Variants in TTBK2 observed in about 807,000 individuals in gnomAD.
TTBK2 encodes tau-tubulin kinase 2.
A neutral mutation model predicts 110.8 loss-of-function variants in TTBK2; 28 were observed. The ratio of observed to expected loss-of-function variants is 0.25; its 90% CI spans 0.19 to 0.35. The LOEUF is 0.35. Ranked by LOEUF, TTBK2 falls within the 10% of genes least tolerant of loss-of-function variation. The probability of loss-of-function intolerance (pLI) is 1.00; values close to 1 mark genes in which losing one functional copy is unlikely to be tolerated. For synonymous variants in TTBK2, 532 were observed against 527.3 expected, an observed-to-expected ratio of 1.01 and a Z score of -0.12; for missense variants, 1,369 against 1,500.3, an observed-to-expected ratio of 0.91 and a Z score of 1.45.
At chr15:42,756,317 G>A (rs2061945930) in intron 13 of TTBK2, among the ~76,000 whole-genome samples, 1 of 152,172 alleles carries the variant, frequency 6.6e-6, no homozygotes, top group South Asian at 2.1e-4. Context: ...CAAGCACGGT[G>A]GCTCATGCCT....
chr15:42,860,400 G>A (rs535367462), intron 3 of TTBK2, among the ~76,000 whole-genome samples: 3 of 152,042 alleles, frequency 2.0e-5, no homozygotes, highest in South Asian at 4.2e-4. Context: ...AATTCTGAAT[G>A]AAGCTAGAGG....
chr15:42,803,980 T>C (rs1322904169), intron 9 of TTBK2, among the ~76,000 whole-genome samples: 2 of 135,236 alleles, frequency 1.5e-5, no homozygotes, highest in Non-Finnish European at 1.5e-5. Flanking sequence ...TGAGCCAAAA[T>C]TGTACCATTG....
chr15:42,861,542 TAATA>T (rs1894158575), intron 3 of TTBK2, among the ~76,000 whole-genome samples: 1 of 152,034 alleles, frequency 6.6e-6, no homozygotes, highest in South Asian at 2.1e-4. Context: ...TCATTGAAAT[TAATA>T]AAAATAGAGA....
intron 9 of TTBK2, among the ~76,000 whole-genome samples, chr15:42,795,619 A>G (rs1213422855): frequency 1.3e-5 from 2 of 152,020 alleles, no homozygotes; most frequent in Non-Finnish European, 2.9e-5. Context: ...CGCAGGTCTG[A>G]TTTAGGCTTT....
intron 5 of TTBK2, 138 bp downstream of exon 5, chr15:42,829,800 G>T: frequency 8.4e-7 from 1 of 1,185,262 alleles, no homozygotes; most frequent in Non-Finnish European, 1.2e-6. Flanking sequence ...TTTGCTTCCA[G>T]GTCTCTATTG....
chr15:42,891,508 A>T (rs1188098889), intron 1 of TTBK2, among the ~76,000 whole-genome samples: 1 of 151,702 alleles, frequency 6.6e-6, no homozygotes, highest in Non-Finnish European at 1.5e-5. Context: ...TGTAAATCTT[A>T]AATTCAGCTG....
In TTBK2 at chr15:42,878,552, T is replaced by C. The variant is rs1386906465; in HGVS notation, c.66A>G (p.Lys22=). 1 of 1,611,314 alleles carries C rather than the reference T, an allele frequency of 6.2e-7. No individual in the cohort carries two copies. Among genetic ancestry groups the C allele is most frequent in the African/African-American group, 1.3e-5 (1 of 74,220 alleles). ...SVGILVKERW[K]VLRKIGGGGF... ...ACTCTCTGAGATGTACACTCACCAC[T>C]TTCCATCTTTCTTTCACTAGGATTC... Residue 22 remains lysine (K), a synonymous_variant, in exon 2 of 15, where the codon AAA becomes AAG. Coordinates refer to ENST00000267890, the MANE Select transcript of TTBK2 (RefSeq NM_173500.4).
chr15:42,753,191 G>A lies in TTBK2; in HGVS notation c.2055C>T (p.His685=). The A allele has an allele frequency of 6.2e-7, 1 of 1,612,150 alleles. No homozygotes were observed. The highest frequency in any genetic ancestry group is 8.5e-7 in the Non-Finnish European group (1 of 1,179,566). The change falls in exon 14 of 15, where the codon CAC becomes CAT. Residue 685 remains histidine, a synonymous_variant. Transcript: ENST00000267890. The part of the protein sequence containing the change: ...ASTQSTSGSF[H]CGQQPEKKDL... ...CTTTCTTCTCTGGCTGCTGACCACA[G>A]TGAAAGCTTCCTGAAGTTGACTGTG...
At chr15:42,799,649 TG>T (rs1215657420) in intron 9 of TTBK2, among the ~76,000 whole-genome samples, 4 of 152,114 alleles carry the variant, frequency 2.6e-5, no homozygotes, top group African/African-American at 9.7e-5. Flanking sequence ...TCGGCCAGGC[TG>T]GTCTTGAACT....
At chr15:42,902,247 G>A (rs768337242) in intron 1 of TTBK2, among the ~76,000 whole-genome samples, 2 of 150,878 alleles carry the variant, frequency 1.3e-5, no homozygotes, top group African/African-American at 2.4e-5. Flanking sequence ...ACCGCCAGGC[G>A]CGGTTGCTCA....
At chr15:42,792,008 A>T (rs1207303870) in intron 10 of TTBK2, among the ~76,000 whole-genome samples, 1 of 152,126 alleles carries the variant, frequency 6.6e-6, no homozygotes, top group African/African-American at 2.4e-5. Context: ...ATGGTGGCAC[A>T]TGCCTGTAAT....
Position 42,775,184 on chromosome 15 carries a change from G to A in TTBK2, c.1949C>T (p.Ala650Val), listed in dbSNP as rs369045579. 85 of 1,614,002 alleles carry A rather than the reference G, an allele frequency of 5.3e-5. No homozygotes were observed. In the African/African-American group the frequency reaches 7.3e-4, roughly 14 times the overall value. ...CGCCTCCATTAGACTTGTGGGCGTC[G>A]CTGCAATAAACTGACTAGCAGCTCC... Reference protein sequence around the residue: ...QPGAASQFIAATPTSLMEAQA... With the variant: ...QPGAASQFIAVTPTSLMEAQA... The change falls in exon 13 of 15, where the codon GCG becomes GTG. Residue 650 changes from alanine (A) to valine (V), a missense_variant. Ala to Val is a moderately conservative substitution (Grantham distance 64, BLOSUM62 0). Around this residue, in one of 4 missense-constraint regions of TTBK2, gnomAD observed 1,097 missense variants for 1,114.7 expected, o/e 0.98. Transcript: ENST00000267890.
At chr15:42,802,368 G>A in intron 9 of TTBK2, 2 of 764,482 alleles carry the variant, frequency 2.6e-6, no homozygotes, top group Non-Finnish European at 4.7e-6. Context: ...GGCCAGAGGT[G>A]GACACCTTGT....
intron 1 of TTBK2, among the ~76,000 whole-genome samples, chr15:42,897,955 C>T (rs553115130): frequency 6.6e-6 from 1 of 151,458 alleles, no homozygotes; most frequent in South Asian, 2.1e-4. Flanking sequence ...TTTGGGAGGC[C>T]AAGGCAGGCA....
At chr15:42,789,375 T>C (rs1261834034) in intron 10 of TTBK2, among the ~76,000 whole-genome samples, 1 of 152,158 alleles carries the variant, frequency 6.6e-6, no homozygotes, top group East Asian at 1.9e-4. Context: ...GTCTGGCTTA[T>C]TTCACTAAGC....
intron 13 of TTBK2, among the ~76,000 whole-genome samples, chr15:42,763,157 CATATATATATATATATAT>C (rs1567008803): frequency 0.018 from 362 of 20,468 alleles, 18 homozygotes; most frequent in African/African-American, 0.067. Context: ...TATATATATA[CATATATATATATATATAT>C]ATATATATAT....
intron 13 of TTBK2, among the ~76,000 whole-genome samples, chr15:42,773,182 G>A (rs1307110081): frequency 6.6e-6 from 1 of 152,132 alleles, no homozygotes; most frequent in Non-Finnish European, 1.5e-5. Flanking sequence ...CAGCCTGGGT[G>A]ACTGAGGAAG....
chr15:42,820,672 C>T (rs182282806), intron 6 of TTBK2, among the ~76,000 whole-genome samples: 1 of 151,578 alleles, frequency 6.6e-6, no homozygotes, highest in Admixed American at 6.6e-5. Flanking sequence ...TATAGTATGC[C>T]CAAATAATGG....
chr15:42,829,305 A>G (rs575640012), intron 5 of TTBK2, among the ~76,000 whole-genome samples: 2 of 152,340 alleles, frequency 1.3e-5, no homozygotes, highest in South Asian at 4.1e-4. Flanking sequence ...AAACCCCACT[A>G]TATTTCCACA....
Sources: allele counts gnomAD v4.1 joint callset (sites outside exome capture counted in the v4.1 genomes callset), GRCh38; gene constraint gnomAD v4.1.1; regional missense constraint gnomAD v4.1.1; transcripts MANE v1.5; gene names NCBI Gene and HGNC (gene_info 2026-07-23, HGNC 2026-07-21).